Variants in BMP4 observed in about 807,000 individuals in gnomAD.
The protein encoded by BMP4 is bone morphogenetic protein 4.
BMP4 carries 3 observed loss-of-function variants against 29.6 expected under a neutral mutation model. The observed-to-expected ratio is 0.10, with a 90% CI of 0.05 to 0.26. The LOEUF is 0.26. Among genes scored for constraint, BMP4 ranks in the 10% least tolerant of loss-of-function variants. The pLI, the probability that BMP4 is intolerant of heterozygous loss-of-function variation, is 1.00. For missense variants in BMP4, 455 were observed against 550.2 expected (o/e 0.83, Z 1.73); for synonymous variants, 197 against 213.2 (o/e 0.92, Z 0.66).
Position 53,954,155 on chromosome 14 carries a change from G to A in BMP4, c.-132-755C>T, listed in dbSNP as rs1895607627. 6.6e-6 allele frequency among the ~76,000 whole-genome samples: 1 copy of A among 152,110 alleles called. No individual in the cohort carries two copies. The highest frequency in any genetic ancestry group is 1.5e-5 in the Non-Finnish European group (1 of 68,006). ...GGGTGTTAGAGGGTGATCGCTGTGG[G>A]AAAGTGAGAGGGAGCGGCTGTTAGT... On this transcript the variant is annotated intron_variant, in intron 1 of 3. Coordinates refer to ENST00000245451, the MANE Select transcript of BMP4 (RefSeq NM_001202.6). This position sits in a 1 kb window ranked among gnomAD's most constrained non-coding sequence, Gnocchi z 4.8.
chr14:53,953,098 A>G (rs577516902), intron 2 of BMP4, among the ~76,000 whole-genome samples, 178 bp downstream of exon 2: 8 of 152,278 alleles, frequency 5.3e-5, no homozygotes, highest in Non-Finnish European at 1.0e-4. Flanking sequence ...CAGCACTTTA[A>G]AAGGAACCCG....
At position 53,955,589 on chromosome 14, in the gene BMP4, T is replaced by C. The variant is rs895192327; in HGVS notation, c.-133+961A>G. On this transcript the variant is annotated intron_variant, in intron 1 of 3. Coordinates refer to ENST00000245451, the MANE Select transcript of BMP4 (RefSeq NM_001202.6). The surrounding 1 kb of genome is among the most constrained non-coding windows in gnomAD (Gnocchi z 4.0). Reference sequence around the variant, plus strand: ...TTACAGGTAGCCTCAGTTTACCAAGTATGTATCTTTTGGGGGTTTAACCTC... The same window carrying C: ...TTACAGGTAGCCTCAGTTTACCAAGCATGTATCTTTTGGGGGTTTAACCTC... 4 of 152,172 alleles carry C rather than the reference T, an allele frequency of 2.6e-5. No homozygotes were observed. Among genetic ancestry groups the C allele is most frequent in the Non-Finnish European group, 4.4e-5 (3 of 68,046 alleles). 9.4% of individuals were successfully genotyped at this position (152,172 alleles called of 1,614,324 possible).
In BMP4 at chr14:53,950,794, A is replaced by G. The variant is rs1350624655; in HGVS notation, c.465T>C (p.Ser155=). ...GCTCCCGGAAGAGCCGAAGCTCTGC[A>G]GAGGAGATCACCTCGTTCTCAGGGA... ...SSIPENEVIS[S]AELRLFREQV... Residue 155 remains serine (S), a synonymous_variant, in exon 4 of 4, where the codon TCT becomes TCC. Transcript: ENST00000245451. This position sits in a 1 kb window ranked among gnomAD's most constrained non-coding sequence, Gnocchi z 5.4. The G allele has an allele frequency of 3.1e-6, 5 of 1,613,612 alleles. No individual in the cohort carries two copies. The highest frequency in any genetic ancestry group is 4.2e-6 in the Non-Finnish European group (5 of 1,180,034).
rs1349052751 is a variant in BMP4, at chr14:53,954,706, C to T, written c.-132-1306G>A. 6.6e-6 allele frequency among the ~76,000 whole-genome samples: 1 copy of T among 152,164 alleles called. No individual in the cohort carries two copies. Among genetic ancestry groups the T allele is most frequent in the Non-Finnish European group, 1.5e-5 (1 of 68,038 alleles). Reference sequence around the variant, plus strand: ...CGTGGGTCGCTCTGCGCAAGGGCCTCTTCGAAAACCCGACTAGGCGCAACT... The same window carrying T: ...CGTGGGTCGCTCTGCGCAAGGGCCTTTTCGAAAACCCGACTAGGCGCAACT... On this transcript the variant is annotated intron_variant, in intron 1 of 3. Transcript: ENST00000245451. This position sits in a 1 kb window ranked among gnomAD's most constrained non-coding sequence, Gnocchi z 4.8.
rs866467262 is a variant in BMP4, at chr14:53,950,091, C to T, written c.1168G>A (p.Asp390Asn). The change falls in exon 4 of 4, where the codon GAT becomes AAT. Residue 390 changes from aspartate to asparagine, a missense_variant. Coordinates refer to ENST00000245451, the MANE Select transcript of BMP4 (RefSeq NM_001202.6). This position sits in a 1 kb window ranked among gnomAD's most constrained non-coding sequence, Gnocchi z 5.4. Reference protein sequence around the residue: ...AISMLYLDEYDKVVLKNYQEM... With the variant: ...AISMLYLDEYNKVVLKNYQEM... The stretch of plus-strand genomic sequence containing the variant: ...TGATAATTTTTCAGTACCACCTTAT[C>T]ATACTCATCCAGGTACAGCATGGAG... The T allele has an allele frequency of 6.2e-7, 1 of 1,614,146 alleles. No individual in the cohort carries two copies. Among genetic ancestry groups the T allele is most frequent in the South Asian group, 1.1e-5 (1 of 91,084 alleles).
rs928083587 is a variant in BMP4 at position 53,956,726 on chromosome 14, G to A, written c.-309C>T. On this transcript the variant is annotated 5_prime_UTR_variant, in exon 1 of 4. Coordinates refer to ENST00000245451, the MANE Select transcript of BMP4 (RefSeq NM_001202.6). The stretch of plus-strand genomic sequence containing the variant: ...AGCCGGAGCAGCAGCGGCGTCTCAG[G>A]CTCGCGTCCCTCAGCTCGGATGCCA... 2.3e-5 allele frequency: 9 copies of A among 399,232 alleles called. No individual in the cohort carries two copies. Among genetic ancestry groups the A allele is most frequent in the African/African-American group, 1.6e-4 (8 of 48,750 alleles). 24.7% of individuals were successfully genotyped at this position (399,232 alleles called of 1,614,324 possible).
rs773506129 is a variant in BMP4, at chr14:53,950,666, C to T, written c.593G>A (p.Arg198Gln). 6.8e-6 allele frequency: 11 copies of T among 1,614,122 alleles called. No individual in the cohort carries two copies. Among genetic ancestry groups the T allele is most frequent in the East Asian group, 4.5e-5 (2 of 44,894 alleles). ...GTGGACCAGTCTCGTGTCCAGTAGTCGTGTGATGAGGTGCCCAGGCACCAC... is the reference window on the plus strand; with the variant it reads ...GTGGACCAGTCTCGTGTCCAGTAGTTGTGTGATGAGGTGCCCAGGCACCAC... ...AEVVPGHLIT[R>Q]LLDTRLVHHN... Residue 198 changes from arginine to glutamine, a missense_variant, in exon 4 of 4, where the codon CGA becomes CAA. Coordinates refer to ENST00000245451, the MANE Select transcript of BMP4 (RefSeq NM_001202.6). This position sits in a 1 kb window ranked among gnomAD's most constrained non-coding sequence, Gnocchi z 5.4.
chr14:53,953,003 C>G (rs971981456), intron 2 of BMP4, among the ~76,000 whole-genome samples: 1 of 152,134 alleles, frequency 6.6e-6, no homozygotes, highest in South Asian at 2.1e-4. Context: ...GTGGTTAGCC[C>G]TCAAGGTACA....
chr14:53,951,297 C>G, intron 3 of BMP4: 1 of 261,008 alleles, frequency 3.8e-6, no homozygotes, highest in South Asian at 4.9e-5. Flanking sequence ...AACATGCAGA[C>G]AACCACCCTC....
intron 1 of BMP4, 157 bp from the exon 2 acceptor site, chr14:53,953,557 G>A (rs1320041334): frequency 2.6e-6 from 1 of 379,736 alleles, no homozygotes; most frequent in African/African-American, 2.1e-5. Context: ...CGCCCCTCGC[G>A]GGCCCGCCCC....
At position 53,950,047 on chromosome 14, in the gene BMP4, T is replaced by C. The variant is rs758821607; in HGVS notation, c.1212A>G (p.Gly404=). The change falls in exon 4 of 4, where the codon GGA becomes GGG. Residue 404 remains glycine, a synonymous_variant. Transcript: ENST00000245451. This position sits in a 1 kb window ranked among gnomAD's most constrained non-coding sequence, Gnocchi z 5.4. ...LKNYQEMVVE[G]CGCR ...CTGCCTGATCTCAGCGGCACCCACATCCCTCTACTACCATCTCCTGATAAT... is the reference window on the plus strand; with the variant it reads ...CTGCCTGATCTCAGCGGCACCCACACCCCTCTACTACCATCTCCTGATAAT... The C allele has an allele frequency of 1.2e-6, 2 of 1,614,122 alleles. No individual in the cohort carries two copies. The highest frequency in any genetic ancestry group is 1.7e-6 in the Non-Finnish European group (2 of 1,180,024).
intron 1 of BMP4, among the ~76,000 whole-genome samples, chr14:53,953,995 C>A (rs1317348522): frequency 6.6e-6 from 1 of 151,790 alleles, no homozygotes; most frequent in Non-Finnish European, 1.5e-5. Flanking sequence ...CTCCTCAAGG[C>A]CAAATATTGC....
At position 53,950,233 on chromosome 14, in the gene BMP4, G is replaced by C. The variant is rs752087708; in HGVS notation, c.1026C>G (p.Pro342=). ...YQAFYCHGDC[P]FPLADHLNST... is the part of the protein sequence containing the mutation. Reference sequence around the variant, plus strand: ...AGTTGAGGTGGTCAGCCAGTGGAAAGGGGCAGTCCCCATGGCAGTAGAAGG... The same window carrying C: ...AGTTGAGGTGGTCAGCCAGTGGAAACGGGCAGTCCCCATGGCAGTAGAAGG... Residue 342 remains proline (P), a synonymous_variant, in exon 4 of 4, where the codon CCC becomes CCG. Transcript: ENST00000245451. The surrounding 1 kb of genome is among the most constrained non-coding windows in gnomAD (Gnocchi z 5.4). 6.8e-6 allele frequency: 11 copies of C among 1,614,150 alleles called. No homozygotes were observed. The East Asian group carries it at 2.2e-4, about 33-fold the overall frequency.
chr14:53,951,354 C>A, intron 3 of BMP4: 1 of 209,958 alleles, frequency 4.8e-6, no homozygotes, highest in Non-Finnish European at 9.6e-6. Context: ...CCCCAGCGAT[C>A]TTGGAAACAC....
Position 53,949,781 on chromosome 14 carries a change from G to C in BMP4, c.*251C>G. On this transcript the variant is annotated 3_prime_UTR_variant, in exon 4 of 4. Coordinates refer to ENST00000245451, the MANE Select transcript of BMP4 (RefSeq NM_001202.6). The stretch of plus-strand genomic sequence containing the variant: ...TCATTTTATTTTTTTCTTTTAATAC[G>C]TAGTTATAAATATATTTTGTCAAAA... 2.5e-6 allele frequency: 1 copy of C among 393,632 alleles called. No homozygotes were observed. The highest frequency in any genetic ancestry group is 4.5e-6 in the Non-Finnish European group (1 of 222,020). 24.4% of individuals were successfully genotyped at this position (393,632 alleles called of 1,614,324 possible).
In BMP4 at chr14:53,956,562, C is replaced by T. The variant is rs1418063860; in HGVS notation, c.-145G>A. 5.5e-5 allele frequency: 22 copies of T among 399,232 alleles called. No homozygotes were observed. Among genetic ancestry groups the T allele is most frequent in the Non-Finnish European group, 2.7e-5 (6 of 226,332 alleles). The allele number at this position is 399,232 out of a possible 1,614,324, so 24.7% of individuals were successfully genotyped here. On this transcript the variant is annotated 5_prime_UTR_variant, in exon 1 of 4. Transcript: ENST00000245451. ...TAGCCTTGCTCACCATAGGTCCCTG[C>T]AGTAGCGGGCTCGCCAGCAGCAGCT...
At position 53,950,677 on chromosome 14, in the gene BMP4, G is replaced by A. The variant is rs915838084; in HGVS notation, c.582C>T (p.His194=). The A allele has an allele frequency of 2.5e-6, 4 of 1,614,234 alleles. No homozygotes were observed. Among genetic ancestry groups the A allele is most frequent in the Non-Finnish European group, 2.5e-6 (3 of 1,180,042 alleles). ...TCGTGTCCAGTAGTCGTGTGATGAG[G>A]TGCCCAGGCACCACTTCTGCTGGGG... The part of the protein sequence containing the change: ...MKPPAEVVPG[H]LITRLLDTRL... The change falls in exon 4 of 4, where the codon CAC becomes CAT. Residue 194 remains histidine, a synonymous_variant. Coordinates refer to ENST00000245451, the MANE Select transcript of BMP4 (RefSeq NM_001202.6). This position sits in a 1 kb window ranked among gnomAD's most constrained non-coding sequence, Gnocchi z 5.4.
chr14:53,952,332 G>A (rs1895483185), intron 2 of BMP4, 103 bp from the exon 3 acceptor site: 1 of 1,369,644 alleles, frequency 7.3e-7, no homozygotes, highest in South Asian at 1.4e-5. Flanking sequence ...TAGAAATGGA[G>A]GGGCAAGATG....
At position 53,949,901 on chromosome 14, in the gene BMP4, T is replaced by A. The variant is rs76149166; in HGVS notation, c.*131A>T. 212 of 901,802 alleles carry A rather than the reference T, an allele frequency of 2.4e-4. No homozygotes were observed. Among genetic ancestry groups the A allele is most frequent in the East Asian group, 7.1e-4 (26 of 36,454 alleles). The allele number at this position is 901,802 out of a possible 1,614,324, so 55.9% of individuals were successfully genotyped here. On this transcript the variant is annotated 3_prime_UTR_variant, in exon 4 of 4. Coordinates refer to ENST00000245451, the MANE Select transcript of BMP4 (RefSeq NM_001202.6). The stretch of plus-strand genomic sequence containing the variant: ...TTTTTTCCTTTTTTTTTTTTTTTTT[T>A]AAATAAAAGTCCAGCTATAAGGAAG...
Sources: allele counts gnomAD v4.1 joint callset (sites outside exome capture counted in the v4.1 genomes callset), GRCh38; gene constraint gnomAD v4.1.1; non-coding constraint Gnocchi (gnomAD v3.1); transcripts MANE v1.5; gene names NCBI Gene and HGNC (gene_info 2026-07-23, HGNC 2026-07-21).